DBP: variants seen among roughly 807,000 people sequenced by gnomAD.
DBP encodes D-box binding PAR bZIP transcription factor, also known as D site-binding protein.
Under a neutral mutation model 21.4 loss-of-function variants are expected in DBP, and 12 were observed. The observed-to-expected ratio is 0.56, with a 90% confidence interval of 0.36 to 0.91. DBP has a LOEUF of 0.91. DBP is among the 40% of genes least tolerant of loss of function. DBP has a pLI of 0.01. For synonymous variants in DBP, 213 were observed against 224.9 expected (o/e 0.95, Z 0.47); for missense variants, 423 against 473.4 (o/e 0.89, Z 0.99).
At chr19:48,633,741 C>T (rs1033493985) in intron 2 of DBP, 86 bp from the exon 3 acceptor site, 43 of 1,105,400 alleles carry the variant, frequency 3.9e-5, no homozygotes, top group Non-Finnish European at 5.3e-5. Context: ...ATCATAGCCA[C>T]ATGGAAAGTC....
chr19:48,636,830 T>C (rs1242316271), intron 1 of DBP, 26 bp downstream of exon 1: 2 of 1,609,574 alleles, frequency 1.2e-6, no homozygotes, highest in East Asian at 2.2e-5. Flanking sequence ...GTGTCCGAAG[T>C]GGGTGAGATG....
At chr19:48,636,645 G>C (rs559236728) in intron 1 of DBP, among the ~76,000 whole-genome samples, 1 of 152,244 alleles carries the variant, frequency 6.6e-6, no homozygotes, top group East Asian at 1.9e-4. Flanking sequence ...GTTGGTGCCT[G>C]GGTCCTTAGG....
At position 48,631,065 on chromosome 19, in the gene DBP, AGG is replaced by A. The variant is rs141590214; in HGVS notation, c.763-15_763-14del. 1 of 1,609,800 alleles carries A rather than the reference AGG, an allele frequency of 6.2e-7. No individual in the cohort carries two copies. The highest frequency in any genetic ancestry group is 2.2e-5 in the East Asian group (1 of 44,804). On this transcript the variant is annotated splice_polypyrimidine_tract_variant and intron_variant, in intron 3 of 3. Coordinates refer to ENST00000222122, the MANE Select transcript of DBP (RefSeq NM_001352.5). ...AGTATTTCTCATCCTGCAGGAGAAG[AGG>A]GGGAGAGCACTGAGGTCCAGAGGGA... is the stretch of plus-strand genomic sequence containing the variant.
intron 2 of DBP, 158 bp from the exon 3 acceptor site, chr19:48,633,813 T>C (rs1016453334): frequency 7.5e-6 from 5 of 664,190 alleles, no homozygotes; most frequent in Non-Finnish European, 1.3e-5. Flanking sequence ...ATATGAAGGT[T>C]CCCTTGGCCA....
intron 3 of DBP, 174 bp from the exon 4 acceptor site, chr19:48,631,226 A>G: frequency 1.6e-6 from 1 of 611,040 alleles, no homozygotes; most frequent in East Asian, 2.8e-5. Flanking sequence ...CCCTAGCAAC[A>G]GTAAAGGCAT....
intron 3 of DBP, chr19:48,631,381 G>T: frequency 3.2e-6 from 1 of 310,738 alleles, no homozygotes. Context: ...AGGCCTTCAT[G>T]GTCTGAGGGC....
chr19:48,635,971 C>G lies in DBP; in HGVS notation c.159G>C (p.Glu53Asp), dbSNP rs201353940. ...EPASCLLKEK[E>D]RKAALPAATT... is the part of the protein sequence containing the mutation. ...TGGCTGCAGGCAGGGCCGCCTTGCG[C>G]TCCTTTTCCTTCAGGAGACCTGCGG... is the stretch of plus-strand genomic sequence containing the variant. Residue 53 changes from glutamate to aspartate, a missense_variant, in exon 2 of 4, where the codon GAG (glutamate) becomes GAC (aspartate). Physicochemically the swap from Glu to Asp is conservative, Grantham distance 45. Coordinates refer to ENST00000222122, the MANE Select transcript of DBP (RefSeq NM_001352.5). 2 of 1,522,298 alleles carry G rather than the reference C, an allele frequency of 1.3e-6. No individual in the cohort carries two copies. Among genetic ancestry groups the G allele is most frequent in the Non-Finnish European group, 1.8e-6 (2 of 1,141,854 alleles). 94.3% of individuals were successfully genotyped at this position (1,522,298 alleles called of 1,614,324 possible). A position where few individuals can be genotyped will look rare whatever the true frequency, so the allele number is the denominator to read the frequency against.
chr19:48,636,191 G>C (rs1411073063), intron 1 of DBP, among the ~76,000 whole-genome samples: 1 of 152,098 alleles, frequency 6.6e-6, no homozygotes, highest in Non-Finnish European at 1.5e-5. Context: ...GGGTGGCAGA[G>C]ACAGGTGGAC....
At position 48,630,449 on chromosome 19, in the gene DBP, A is replaced by C. The variant is rs2030519421; in HGVS notation, c.*388T>G. On this transcript the variant is annotated 3_prime_UTR_variant, in exon 4 of 4. Transcript: ENST00000222122. The surrounding 1 kb of genome is among the most constrained non-coding windows in gnomAD (Gnocchi z 4.9). Reference sequence around the variant, plus strand: ...CATCCGACAGCCCGCGGGAGGACTCAGACTCCAGCACTTCCAGCAGCGCCT... The same window carrying C: ...CATCCGACAGCCCGCGGGAGGACTCCGACTCCAGCACTTCCAGCAGCGCCT... 2 of 1,452,956 alleles carry C rather than the reference A, an allele frequency of 1.4e-6. No individual in the cohort carries two copies. Among genetic ancestry groups the C allele is most frequent in the African/African-American group, 2.9e-5 (2 of 69,816 alleles). 90.0% of individuals were successfully genotyped at this position (1,452,956 alleles called of 1,614,324 possible). A position where few individuals can be genotyped will look rare whatever the true frequency, so the allele number is the denominator to read the frequency against.
At position 48,635,880 on chromosome 19, in the gene DBP, C is replaced by A; in HGVS notation, c.250G>T (p.Gly84Ter). ...CCCGGGCGCCCCCGCGGGGACCCTC[C>A]GCCCACCACTGCCCCAGCCGGGGCA... Reference protein sequence around the residue: ...ADAPAGAVVGGGSPRGRPGPV... With the variant: ...ADAPAGAVVG The change falls in exon 2 of 4, where the codon GGA (glycine) becomes TGA (stop). Residue 84 changes from glycine to a stop codon, truncating the protein, a stop_gained. Transcript: ENST00000222122. LOFTEE classifies it high-confidence loss of function. 7.1e-7 allele frequency: 1 copy of A among 1,403,466 alleles called. No homozygotes were observed. Among genetic ancestry groups the A allele is most frequent in the Non-Finnish European group, 9.2e-7 (1 of 1,090,042 alleles). 86.9% of individuals were successfully genotyped at this position (1,403,466 alleles called of 1,614,324 possible).
chr19:48,633,716 A>G, intron 2 of DBP, 61 bp from the exon 3 acceptor site: 1 of 1,462,108 alleles, frequency 6.8e-7, no homozygotes, highest in African/African-American at 1.4e-5. Flanking sequence ...TCCTGAAGCT[A>G]CTTTTTGCTG....
At chr19:48,635,260 G>C (rs960054841) in intron 2 of DBP, 3 of 1,189,350 alleles carry the variant, frequency 2.5e-6, no homozygotes, top group Non-Finnish European at 2.1e-6. Context: ...AAATAACTCT[G>C]GTGTTCCGGA....
chr19:48,634,239 G>A (rs2147711064), intron 2 of DBP: 1 of 157,658 alleles, frequency 6.3e-6, no homozygotes, highest in Admixed American at 6.1e-5. Flanking sequence ...ACACGAATCA[G>A]GGCTATTGCT....
At chr19:48,633,378 A>G in intron 3 of DBP, 66 bp downstream of exon 3, 1 of 1,501,858 alleles carries the variant, frequency 6.7e-7, no homozygotes, top group Non-Finnish European at 9.3e-7. Context: ...CTGTGAGAAA[A>G]GGCCCCTCCC....
In DBP at chr19:48,635,595, T is replaced by C. The variant is rs995509059; in HGVS notation, c.535A>G (p.Ser179Gly). The C allele has an allele frequency of 2.9e-6, 4 of 1,362,192 alleles. No individual in the cohort carries two copies. The African/African-American group carries it at 4.6e-5, about 16-fold the overall frequency. 84.4% of individuals were successfully genotyped at this position (1,362,192 alleles called of 1,614,324 possible). ...TTCGCCGCACCTGCGCGGTGGCCGCTGGCGGTCCCGAGGGCAGCCCGGGCG... is the reference window on the plus strand; with the variant it reads ...TTCGCCGCACCTGCGCGGTGGCCGCCGGCGGTCCCGAGGGCAGCCCGGGCG... ...APARAALGTASGHRAGLTSRD... is the reference protein window; with the variant it reads ...APARAALGTAGGHRAGLTSRD... The change falls in exon 2 of 4, where the codon AGC becomes GGC. Residue 179 changes from serine to glycine, a missense_variant. Physicochemically the swap from Ser to Gly is moderately conservative, Grantham distance 56 (BLOSUM62 0). Transcript: ENST00000222122.
At chr19:48,631,358 T>C (rs2030578501) in intron 3 of DBP, 1 of 363,680 alleles carries the variant, frequency 2.7e-6, no homozygotes, top group African/African-American at 2.0e-5. Flanking sequence ...AGGATGCTTG[T>C]TCCCTAGCAA....
At chr19:48,634,988 G>C in intron 2 of DBP, 1 of 985,958 alleles carries the variant, frequency 1.0e-6, no homozygotes, top group Non-Finnish European at 1.2e-6. Context: ...TAGGAATATA[G>C]GAAGCTTGGC....
chr19:48,631,851 A>G (rs1379111236), intron 3 of DBP: 1 of 152,042 alleles, frequency 6.6e-6, no homozygotes, highest in East Asian at 1.9e-4. Context: ...TGTGAGGGTA[A>G]ATCCAGTCCC....
chr19:48,634,530 G>A (rs1048406532), intron 2 of DBP: 2 of 234,996 alleles, frequency 8.5e-6, no homozygotes, highest in Non-Finnish European at 1.4e-5. Context: ...GCCAGCCGGG[G>A]CCAGCTAAGG....
Sources: allele counts gnomAD v4.1 joint callset (sites outside exome capture counted in the v4.1 genomes callset), GRCh38; gene constraint gnomAD v4.1.1; non-coding constraint Gnocchi (gnomAD v3.1); transcripts MANE v1.5; gene names NCBI Gene and HGNC (gene_info 2026-07-23, HGNC 2026-07-21).